MAPK4: variants seen among roughly 807,000 people sequenced by gnomAD.
MAPK4 encodes Erk3-related.
Under a neutral mutation model 47.7 loss-of-function variants are expected in MAPK4, and 22 were observed. The ratio of observed to expected loss-of-function variants is 0.46; its 90% CI spans 0.33 to 0.66. MAPK4 has a LOEUF of 0.66. Ranked by LOEUF, MAPK4 falls within the 30% of genes least tolerant of loss-of-function variation. The pLI is 0.02. For synonymous variants in MAPK4, 390 were observed against 365.7 expected, an observed-to-expected ratio of 1.07 and a Z score of -0.76; for missense variants, 736 against 831.7, an observed-to-expected ratio of 0.88 and a Z score of 1.42.
At chr18:50,605,324 G>T (rs2042573241) in intron 1 of MAPK4, among the ~76,000 whole-genome samples, 2 of 152,154 alleles carry the variant, frequency 1.3e-5, no homozygotes, top group Non-Finnish European at 2.9e-5. Context: ...AGAGTAAAGA[G>T]GCAGCAGAGG....
intron 1 of MAPK4, among the ~76,000 whole-genome samples, chr18:50,620,354 C>A (rs894660788): frequency 2.0e-5 from 3 of 152,250 alleles, no homozygotes; most frequent in Non-Finnish European, 4.4e-5. Context: ...ATCTCTCAAA[C>A]TTTCAGGAGC....
intron 1 of MAPK4, among the ~76,000 whole-genome samples, chr18:50,567,162 A>G (rs1185896406): frequency 6.6e-6 from 1 of 151,810 alleles, no homozygotes; most frequent in East Asian, 1.9e-4. Context: ...ACATAGGTAT[A>G]CACGTGCCAT....
chr18:50,599,576 C>G (rs2042516854), intron 1 of MAPK4, among the ~76,000 whole-genome samples: 1 of 152,092 alleles, frequency 6.6e-6, no homozygotes, highest in Non-Finnish European at 1.5e-5. Context: ...TGCCACCACA[C>G]CCGGCTAATT....
At chr18:50,639,154 G>A (rs757342881) in intron 1 of MAPK4, among the ~76,000 whole-genome samples, 2 of 152,220 alleles carry the variant, frequency 1.3e-5, no homozygotes, top group Non-Finnish European at 2.9e-5. Flanking sequence ...GAAAAACACA[G>A]CTAAACCTTG....
At chr18:50,576,300 T>C (rs2042296869) in intron 1 of MAPK4, among the ~76,000 whole-genome samples, 2 of 152,210 alleles carry the variant, frequency 1.3e-5, no homozygotes, top group South Asian at 4.1e-4. Flanking sequence ...TGGAACACTA[T>C]GCAGCCATAA....
chr18:50,709,187 C>T (rs1000988419), intron 2 of MAPK4, among the ~76,000 whole-genome samples: 1 of 152,170 alleles, frequency 6.6e-6, no homozygotes, highest in Non-Finnish European at 1.5e-5. Flanking sequence ...TGCTCCTCCA[C>T]CGGGAGGGCT....
chr18:50,640,613 G>A lies in MAPK4; in HGVS notation c.-870-22476G>A, dbSNP rs575970723. 1.1e-4 allele frequency among the ~76,000 whole-genome samples: 17 copies of A among 152,170 alleles called. No individual in the cohort carries two copies. In the South Asian group the frequency reaches 3.3e-3, roughly 30 times the overall value. ...CCCAAGTAGCTGGGATTACAGGTGTGCGCCACCACGTCTGGCTAATTTTTG... is the reference window on the plus strand; with the variant it reads ...CCCAAGTAGCTGGGATTACAGGTGTACGCCACCACGTCTGGCTAATTTTTG... On this transcript the variant is annotated intron_variant, in intron 1 of 5. Coordinates refer to ENST00000400384, the MANE Select transcript of MAPK4 (RefSeq NM_002747.4).
At chr18:50,685,175 A>T (rs570396881) in intron 2 of MAPK4, among the ~76,000 whole-genome samples, 1 of 152,298 alleles carries the variant, frequency 6.6e-6, no homozygotes, top group South Asian at 2.1e-4. Flanking sequence ...AGGAGCAAAC[A>T]TTACTGCCTG....
intron 1 of MAPK4, among the ~76,000 whole-genome samples, chr18:50,654,372 T>A (rs2043084648): frequency 6.6e-6 from 1 of 152,222 alleles, no homozygotes; most frequent in Non-Finnish European, 1.5e-5. Flanking sequence ...GAAGCCAGTG[T>A]GGGAGAATTA....
chr18:50,682,268 A>G (rs1236298723), intron 2 of MAPK4, among the ~76,000 whole-genome samples: 1 of 152,190 alleles, frequency 6.6e-6, no homozygotes, highest in East Asian at 1.9e-4. Flanking sequence ...TAATTTGAAT[A>G]CCTTATATCT....
chr18:50,641,525 A>C (rs1043655200), intron 1 of MAPK4, among the ~76,000 whole-genome samples: 3 of 152,218 alleles, frequency 2.0e-5, no homozygotes, highest in African/African-American at 7.2e-5. Flanking sequence ...ATTGTAACCA[A>C]AATAACACTC....
At chr18:50,568,889 T>A (rs909371461) in intron 1 of MAPK4, among the ~76,000 whole-genome samples, 2 of 152,270 alleles carry the variant, frequency 1.3e-5, no homozygotes, top group African/African-American at 4.8e-5. Flanking sequence ...GAATTTCCAG[T>A]CTAGAATTCT....
chr18:50,591,148 A>C (rs1430298580), intron 1 of MAPK4, among the ~76,000 whole-genome samples: 1 of 152,252 alleles, frequency 6.6e-6, no homozygotes, highest in Non-Finnish European at 1.5e-5. Context: ...GTTCTTCTGC[A>C]TAAATCAGTA....
chr18:50,676,761 T>C (rs1435114972), intron 2 of MAPK4, among the ~76,000 whole-genome samples: 4 of 152,228 alleles, frequency 2.6e-5, no homozygotes, highest in Non-Finnish European at 5.9e-5. Context: ...ACGAGTATGT[T>C]CTATGATGTT....
At chr18:50,655,032 T>C (rs2043093160) in intron 1 of MAPK4, among the ~76,000 whole-genome samples, 1 of 152,182 alleles carries the variant, frequency 6.6e-6, no homozygotes, top group Admixed American at 6.5e-5. Context: ...CCTCAATTCT[T>C]TCCTCTAACC....
intron 1 of MAPK4, among the ~76,000 whole-genome samples, chr18:50,624,962 G>A (rs2042763951): frequency 1.3e-5 from 2 of 152,082 alleles, no homozygotes; most frequent in South Asian, 4.2e-4. Flanking sequence ...TCAAAACACA[G>A]GACCCAACCA....
At chr18:50,568,195 CAAAAAAA>C (rs760481992) in intron 1 of MAPK4, among the ~76,000 whole-genome samples, 7 of 92,360 alleles carry the variant, frequency 7.6e-5, no homozygotes, top group Non-Finnish European at 1.6e-4. Flanking sequence ...GACGCTGTCC[CAAAAAAA>C]AAAAAAAAGA....
chr18:50,577,930 TTTGGAGAA>T (rs2042311954), intron 1 of MAPK4, among the ~76,000 whole-genome samples: 1 of 152,164 alleles, frequency 6.6e-6, no homozygotes, highest in Non-Finnish European at 1.5e-5. Context: ...AACATTGTTA[TTTGGAGAA>T]AAATAACCAG....
intron 1 of MAPK4, among the ~76,000 whole-genome samples, chr18:50,584,424 T>TA (rs34666521): frequency 9.9e-5 from 15 of 151,308 alleles, no homozygotes; most frequent in East Asian, 3.9e-4. Context: ...CTCATGTTCT[T>TA]AAAAAAAAAG....
Sources: allele counts gnomAD v4.1 joint callset (sites outside exome capture counted in the v4.1 genomes callset), GRCh38; gene constraint gnomAD v4.1.1; transcripts MANE v1.5; gene names NCBI Gene and HGNC (gene_info 2026-07-23, HGNC 2026-07-21).